MAGI3: variants seen among roughly 807,000 people sequenced by gnomAD.
MAGI3 encodes membrane-associated guanylate kinase, WW and PDZ domain-containing protein 3.
A neutral mutation model predicts 121.8 loss-of-function variants in MAGI3; 43 were observed. The ratio of observed to expected loss-of-function variants is 0.35; its 90% CI spans 0.28 to 0.46. MAGI3 has a LOEUF of 0.46. Among genes scored for constraint, MAGI3 ranks in the 20% least tolerant of loss-of-function variants. MAGI3 has a pLI of 1.00. For synonymous variants in MAGI3, 553 were observed against 639.3 expected (o/e 0.86, Z 2.04); for missense variants, 1,547 against 1,797.3 (o/e 0.86, Z 2.52).
chr1:113,534,293 A>T (rs1259726976), intron 1 of MAGI3, among the ~76,000 whole-genome samples: 2 of 152,200 alleles, frequency 1.3e-5, no homozygotes, highest in Non-Finnish European at 2.9e-5. Flanking sequence ...TGGCTATGTC[A>T]TGCATCCTGG....
chr1:113,439,316 A>C (rs1043725766), intron 1 of MAGI3, among the ~76,000 whole-genome samples: 1 of 152,260 alleles, frequency 6.6e-6, no homozygotes, highest in Admixed American at 6.5e-5. Context: ...ACAAACTGGT[A>C]AGCGAAATCA....
At chr1:113,663,456 A>G (rs1027342848) in intron 16 of MAGI3, among the ~76,000 whole-genome samples, 2 of 152,086 alleles carry the variant, frequency 1.3e-5, no homozygotes, top group African/African-American at 4.8e-5. Context: ...AGAATCATAC[A>G]ATATGTGGCC....
In MAGI3 at chr1:113,643,691, G is replaced by T. The variant is rs2101826179; in HGVS notation, c.1967-52G>T. ...TATCGTAAACATTAGCAGTATTTGTGATCTGGGAATGCATCCTCTGGTTTT... is the reference window on the plus strand; with the variant it reads ...TATCGTAAACATTAGCAGTATTTGTTATCTGGGAATGCATCCTCTGGTTTT... On this transcript the variant is annotated intron_variant, in intron 10 of 20. Coordinates refer to ENST00000307546, the MANE Select transcript of MAGI3 (RefSeq NM_001142782.2). 2.7e-5 allele frequency: 43 copies of T among 1,565,102 alleles called. No individual in the cohort carries two copies. In the South Asian group the frequency reaches 4.7e-4, roughly 17 times the overall value.
At chr1:113,505,745 A>G (rs1420015552) in intron 1 of MAGI3, among the ~76,000 whole-genome samples, 1 of 152,164 alleles carries the variant, frequency 6.6e-6, no homozygotes, top group African/African-American at 2.4e-5. Context: ...CCAACTGTAT[A>G]TCTGGGAGAA....
intron 1 of MAGI3, chr1:113,404,160 CCA>C (rs1651555054): frequency 6.6e-6 from 1 of 152,142 alleles, no homozygotes; most frequent in South Asian, 2.1e-4. Flanking sequence ...CCCCTGCAAG[CCA>C]CAGGCAGGGA....
chr1:113,608,801 C>T (rs1245341258), intron 6 of MAGI3, among the ~76,000 whole-genome samples: 1 of 152,144 alleles, frequency 6.6e-6, no homozygotes, highest in African/African-American at 2.4e-5. Flanking sequence ...AACATTTCCC[C>T]CTAATGCTCT....
At chr1:113,478,169 C>T (rs557912928) in intron 1 of MAGI3, among the ~76,000 whole-genome samples, 12 of 152,216 alleles carry the variant, frequency 7.9e-5, no homozygotes, top group Admixed American at 5.9e-4. Flanking sequence ...GTGATGGGTT[C>T]GAACAACCTC....
intron 1 of MAGI3, chr1:113,449,652 G>C (rs760823356): frequency 1.1e-5 from 8 of 729,622 alleles, no homozygotes; most frequent in Non-Finnish European, 2.0e-5. Flanking sequence ...AAATTTTTCA[G>C]TATATCGATA....
At chr1:113,669,587 TG>T (rs1647401203) in intron 16 of MAGI3, among the ~76,000 whole-genome samples, 1 of 152,202 alleles carries the variant, frequency 6.6e-6, no homozygotes, top group South Asian at 2.1e-4. Context: ...TGGAGTGCAG[TG>T]GCATGATCTT....
chr1:113,671,924 A>AC (rs915187332), intron 17 of MAGI3, 88 bp downstream of exon 17: 34 of 1,178,176 alleles, frequency 2.9e-5, no homozygotes, highest in African/African-American at 2.5e-4. Flanking sequence ...CCCATCATCC[A>AC]CCCCCATGCA....
At chr1:113,576,270 G>A (rs1031969251) in intron 2 of MAGI3, among the ~76,000 whole-genome samples, 11 of 152,192 alleles carry the variant, frequency 7.2e-5, no homozygotes, top group Admixed American at 1.3e-4. Flanking sequence ...CAGCCGCCTC[G>A]TTTCGTGCTT....
At chr1:113,623,077 A>G in intron 9 of MAGI3, 83 bp downstream of exon 9, 1 of 830,434 alleles carries the variant, frequency 1.2e-6, no homozygotes, top group Non-Finnish European at 1.7e-6. Flanking sequence ...ACATAAAGAG[A>G]GAGAAATAAT....
At chr1:113,413,649 A>G (rs964519785) in intron 1 of MAGI3, among the ~76,000 whole-genome samples, 19 of 152,140 alleles carry the variant, frequency 1.2e-4, no homozygotes, top group South Asian at 2.1e-4. Flanking sequence ...AATTGTGAAT[A>G]GGAGTTCACT....
At position 113,657,279 on chromosome 1, in the gene MAGI3, C is replaced by T. The variant is rs549623748; in HGVS notation, c.2630-1801C>T. Among the ~76,000 whole-genome samples the T allele has an allele frequency of 2.0e-5, 3 of 152,264 alleles. No individual in the cohort carries two copies. The East Asian group carries it at 5.8e-4, about 29-fold the overall frequency. ...GGTTACCTTGAACAGTTTCCCAGTCCGTTTAGAAAATGTTCAGAAGCTACC... is the reference window on the plus strand; with the variant it reads ...GGTTACCTTGAACAGTTTCCCAGTCTGTTTAGAAAATGTTCAGAAGCTACC... On this transcript the variant is annotated intron_variant, in intron 15 of 20. Transcript: ENST00000307546.
At position 113,477,478 on chromosome 1, in the gene MAGI3, A is replaced by C. The variant is rs543830468; in HGVS notation, c.317-72037A>C. ...CTGTATAGGATTTTATTTCTCCTTC[A>C]CTTATGAAGCTTATTTTGGCTGGAT... is the stretch of plus-strand genomic sequence containing the variant. On this transcript the variant is annotated intron_variant, in intron 1 of 20. Transcript: ENST00000307546. 7.2e-5 allele frequency among the ~76,000 whole-genome samples: 11 copies of C among 152,192 alleles called. No individual in the cohort carries two copies. The South Asian group carries it at 2.3e-3, about 31-fold the overall frequency.
chr1:113,397,447 G>T (rs1344988170), intron 1 of MAGI3, among the ~76,000 whole-genome samples: 1 of 152,148 alleles, frequency 6.6e-6, no homozygotes, highest in African/African-American at 2.4e-5. Flanking sequence ...GATCTTTCCA[G>T]TAGTAGGTAA....
intron 2 of MAGI3, among the ~76,000 whole-genome samples, chr1:113,557,021 T>C (rs1328325784): frequency 6.6e-6 from 1 of 152,222 alleles, no homozygotes; most frequent in African/African-American, 2.4e-5. Context: ...GAATTTTAGT[T>C]TTTAACTTTC....
chr1:113,566,483 A>C (rs138077787), intron 2 of MAGI3, among the ~76,000 whole-genome samples: 1 of 152,216 alleles, frequency 6.6e-6, no homozygotes, highest in African/African-American at 2.4e-5. Context: ...AGAACATTTC[A>C]TCCAATAACA....
intron 4 of MAGI3, 141 bp downstream of exon 4, chr1:113,585,737 G>A: frequency 1.4e-6 from 1 of 690,298 alleles, no homozygotes; most frequent in Non-Finnish European, 2.4e-6. Context: ...GGTTGTATGT[G>A]GAGCAAAGTG....
Sources: gnomAD v4.1 joint callset for allele counts (sites outside exome capture counted in the v4.1 genomes callset) on GRCh38, gnomAD v4.1.1 for gene constraint, MANE v1.5 for transcripts, NCBI Gene and HGNC (gene_info 2026-07-23, HGNC 2026-07-21) for gene names.